SMURF1: variants seen among roughly 807,000 people sequenced by gnomAD.
SMURF1 encodes SMAD specific E3 ubiquitin protein ligase 1, also known as E3 ubiquitin-protein ligase SMURF1.
In SMURF1, 44 loss-of-function variants were observed where a neutral mutation model predicts 98.0. The ratio of observed to expected loss-of-function variants is 0.45; its 90% CI spans 0.35 to 0.58. The LOEUF is 0.58. SMURF1 is among the 20% of genes least tolerant of loss of function. SMURF1 has a pLI of 0.00. For synonymous variants in SMURF1, 396 were observed against 374.9 expected (o/e 1.06, Z -0.65); for missense variants, 687 against 938.4 (o/e 0.73, Z 3.50).
At chr7:99,093,235 T>G (rs558255397) in intron 1 of SMURF1, among the ~76,000 whole-genome samples, 1 of 152,224 alleles carries the variant, frequency 6.6e-6, no homozygotes, top group Admixed American at 6.5e-5. Flanking sequence ...AGGTTTCGTG[T>G]TCTCTGAAAT....
chr7:99,142,005 G>A (rs574890017), intron 1 of SMURF1, among the ~76,000 whole-genome samples: 1 of 152,252 alleles, frequency 6.6e-6, no homozygotes, highest in Admixed American at 6.5e-5. Flanking sequence ...TTTGCAACAC[G>A]GCCATCCTGC....
intron 1 of SMURF1, among the ~76,000 whole-genome samples, chr7:99,108,590 C>A (rs1584188686): frequency 1.2e-5 from 1 of 80,582 alleles, no homozygotes. Context: ...CCAGCCTGGG[C>A]AATAGAGAGA....
intron 1 of SMURF1, among the ~76,000 whole-genome samples, chr7:99,098,818 A>G (rs1797007971): frequency 6.6e-6 from 1 of 152,178 alleles, no homozygotes; most frequent in Non-Finnish European, 1.5e-5. Context: ...TCCTCATTAA[A>G]TTATAAGATC....
chr7:99,136,781 C>G (rs1206274159), intron 1 of SMURF1, among the ~76,000 whole-genome samples: 1 of 152,144 alleles, frequency 6.6e-6, no homozygotes, highest in African/African-American at 2.4e-5. Context: ...GAAACCCCAT[C>G]TCTACCAAAA....
At chr7:99,095,677 G>A (rs893948932) in intron 1 of SMURF1, among the ~76,000 whole-genome samples, 2 of 152,164 alleles carry the variant, frequency 1.3e-5, no homozygotes, top group African/African-American at 4.8e-5. Flanking sequence ...AATGGACTAG[G>A]TACTCGAAGT....
In SMURF1 at chr7:99,047,729, T is replaced by C. The variant is rs1159160318; in HGVS notation, c.1107A>G (p.Gln369=). Residue 369 remains glutamine, a synonymous_variant, in exon 10 of 18, where the codon CAA becomes CAG. Transcript: ENST00000361368. ...ACACTTCGATGCGGCAATGACCAGC[T>C]TGGGGCTGCTGAAGCGACAGTTCGT... ...LRHELSLQQP[Q]AGHCRIEVSR... is the part of the protein sequence containing the mutation. 1.9e-6 allele frequency: 3 copies of C among 1,614,246 alleles called. No homozygotes were observed. Among genetic ancestry groups the C allele is most frequent in the Non-Finnish European group, 2.5e-6 (3 of 1,180,056 alleles).
chr7:99,092,990 T>C (rs1469648395), intron 1 of SMURF1, among the ~76,000 whole-genome samples: 6 of 152,128 alleles, frequency 3.9e-5, no homozygotes, highest in Admixed American at 3.9e-4. Flanking sequence ...TCTTCCGCTG[T>C]CAGAGCTGGT....
intron 10 of SMURF1, 137 bp downstream of exon 10, chr7:99,047,547 T>C (rs1326821832): frequency 2.4e-6 from 2 of 839,706 alleles, no homozygotes; most frequent in Non-Finnish European, 3.7e-6. Context: ...AAAGAAGGGT[T>C]CCCTGAAACG....
At chr7:99,042,281 ATTT>A (rs112221381) in intron 11 of SMURF1, 49 bp from the exon 12 acceptor site, 30 of 1,128,212 alleles carry the variant, frequency 2.7e-5, no homozygotes, top group Middle Eastern at 2.1e-4. Flanking sequence ...AAATTTCTAC[ATTT>A]TTTTTTTTTC....
Position 99,042,153 on chromosome 7 carries a change from T to C in SMURF1, c.1336A>G (p.Met446Val), listed in dbSNP as rs777730501. The C allele has an allele frequency of 2.5e-6, 4 of 1,614,110 alleles. No individual in the cohort carries two copies. In the South Asian group the frequency reaches 4.4e-5, roughly 18 times the overall value. ...GAAGAATCCGGATTTATTTGCAACA[T>C]GTAAATATTGTCCGTAGAATACTGG... is the stretch of plus-strand genomic sequence containing the variant. ...LFQYSTDNIY[M>V]LQINPDSSIN... The change falls in exon 12 of 18, where the codon ATG becomes GTG. Residue 446 changes from methionine to valine, a missense_variant. Physicochemically the swap from Met to Val is conservative, Grantham distance 21. Transcript: ENST00000361368.
chr7:99,063,237 TTATTTATATATA>T (rs1796081808), intron 1 of SMURF1, among the ~76,000 whole-genome samples: 1 of 76,914 alleles, frequency 1.3e-5, no homozygotes, highest in African/African-American at 6.9e-5. Context: ...TATATAAGAT[TTATTTATATATA>T]TATATATATA....
chr7:99,091,802 C>G (rs967325294), intron 1 of SMURF1, among the ~76,000 whole-genome samples: 12 of 152,186 alleles, frequency 7.9e-5, no homozygotes, highest in Non-Finnish European at 1.8e-4. Context: ...CCCCACATGG[C>G]TTTCCTCTTG....
chr7:99,059,417 TAAAATAAAATAAAATAAAATA>T (rs1795974881), intron 3 of SMURF1, among the ~76,000 whole-genome samples: 2 of 36,662 alleles, frequency 5.5e-5, no homozygotes, highest in Non-Finnish European at 1.1e-4. Flanking sequence ...TAAAATAAAA[TAAAATAAAATAAAATAAAATA>T]AAATAAAATA....
At chr7:99,075,445 C>T (rs1343824502) in intron 1 of SMURF1, among the ~76,000 whole-genome samples, 2 of 152,130 alleles carry the variant, frequency 1.3e-5, no homozygotes, top group South Asian at 2.1e-4. Context: ...AGGGAACCCC[C>T]GATTTATTTA....
chr7:99,050,655 A>G (rs1003632585), intron 8 of SMURF1: 18 of 344,010 alleles, frequency 5.2e-5, no homozygotes, highest in African/African-American at 1.0e-4. Flanking sequence ...CATTTCTAAC[A>G]GGGGGTACAA....
At position 99,030,451 on chromosome 7, in the gene SMURF1, GGA is replaced by G; in HGVS notation, c.*131_*132del. 2.7e-6 allele frequency: 2 copies of G among 746,524 alleles called. No individual in the cohort carries two copies. The highest frequency in any genetic ancestry group is 2.5e-5 in the East Asian group (1 of 39,628). 46.2% of individuals were successfully genotyped at this position (746,524 alleles called of 1,614,324 possible). On this transcript the variant is annotated 3_prime_UTR_variant, in exon 18 of 18. Transcript: ENST00000361368. ...CCCCATCCCCCTCCCCCAACAGAAAGGAGAGAGACAACCCTTTCCCCTCAGGT... is the reference window on the plus strand; with the variant it reads ...CCCCATCCCCCTCCCCCAACAGAAAGGAGAGACAACCCTTTCCCCTCAGGT...
intron 10 of SMURF1, among the ~76,000 whole-genome samples, chr7:99,046,647 G>A (rs1015670074): frequency 8.3e-5 from 12 of 145,346 alleles, no homozygotes; most frequent in Admixed American, 2.2e-4. Flanking sequence ...CAGGAGAATC[G>A]CTTGAACCTG....
intron 1 of SMURF1, among the ~76,000 whole-genome samples, chr7:99,123,110 T>TA (rs71656408): frequency 0.018 from 2,709 of 151,810 alleles, 82 homozygotes; most frequent in African/African-American, 0.062. Context: ...TTTATTTATT[T>TA]TTTTTTTAGT....
At chr7:99,037,851 G>A (rs1795207044) in intron 14 of SMURF1, among the ~76,000 whole-genome samples, 1 of 152,222 alleles carries the variant, frequency 6.6e-6, no homozygotes, top group Non-Finnish European at 1.5e-5. Context: ...AGGGGTTCGA[G>A]ACCAGCCTGG....
Sources: allele counts gnomAD v4.1 joint callset (sites outside exome capture counted in the v4.1 genomes callset), GRCh38; gene constraint gnomAD v4.1.1; transcripts MANE v1.5; gene names NCBI Gene and HGNC (gene_info 2026-07-23, HGNC 2026-07-21).